Variants in GRM5 observed in about 807,000 individuals in gnomAD.
GRM5 encodes metabotropic glutamate receptor 5.
In GRM5, 19 loss-of-function variants were observed where a neutral mutation model predicts 83.1. That is an observed-to-expected ratio of 0.23 (90% CI 0.16 to 0.34). The LOEUF is 0.34. Among genes scored for constraint, GRM5 ranks in the 10% least tolerant of loss-of-function variants. The probability of loss-of-function intolerance (pLI) is 1.00; values close to 1 mark genes in which losing one functional copy is unlikely to be tolerated. For missense variants in GRM5, 1,160 were observed against 1,588.3 expected (o/e 0.73, Z 4.58); for synonymous variants, 675 against 633.6 (o/e 1.07, Z -0.98).
intron 4 of GRM5, among the ~76,000 whole-genome samples, chr11:88,631,699 C>T (rs1355217818): frequency 6.6e-6 from 1 of 152,148 alleles, no homozygotes; most frequent in Non-Finnish European, 1.5e-5. Flanking sequence ...CATGGCTTAC[C>T]TGAGTCATCT....
At chr11:88,918,337 C>A (rs985362268) in intron 2 of GRM5, among the ~76,000 whole-genome samples, 31 of 151,930 alleles carry the variant, frequency 2.0e-4, no homozygotes, top group African/African-American at 7.0e-4. Context: ...TGCTAGATGA[C>A]AAGTTAGTGG....
chr11:88,847,668 A>C (rs188276571), intron 3 of GRM5, among the ~76,000 whole-genome samples: 1 of 152,206 alleles, frequency 6.6e-6, no homozygotes, highest in Non-Finnish European at 1.5e-5. Flanking sequence ...AGACCTAACA[A>C]AACTGCTCAA....
At chr11:88,819,657 C>T (rs184850364) in intron 3 of GRM5, among the ~76,000 whole-genome samples, 97 of 152,262 alleles carry the variant, frequency 6.4e-4, no homozygotes, top group African/African-American at 2.2e-3. Flanking sequence ...TTGTGGGTTA[C>T]TGTGGCTCAC....
At chr11:88,844,339 T>A (rs1944259663) in intron 3 of GRM5, among the ~76,000 whole-genome samples, 1 of 151,050 alleles carries the variant, frequency 6.6e-6, no homozygotes. Context: ...ATATTTTAAG[T>A]CTACTTTTCA....
At chr11:88,939,918 A>G (rs1938032192) in intron 2 of GRM5, among the ~76,000 whole-genome samples, 2 of 152,028 alleles carry the variant, frequency 1.3e-5, no homozygotes, top group Non-Finnish European at 2.9e-5. Flanking sequence ...ATAACTGTAC[A>G]TAGGCTGGGG....
intron 4 of GRM5, among the ~76,000 whole-genome samples, chr11:88,605,774 A>G (rs1253068221): frequency 6.6e-6 from 1 of 152,222 alleles, no homozygotes; most frequent in African/African-American, 2.4e-5. Flanking sequence ...TTGGGAACTA[A>G]GGAACTAAAG....
At chr11:88,668,778 T>C (rs1270458403) in intron 3 of GRM5, among the ~76,000 whole-genome samples, 1 of 152,154 alleles carries the variant, frequency 6.6e-6, no homozygotes, top group African/African-American at 2.4e-5. Flanking sequence ...AACTGAAACT[T>C]TGTATTTCTT....
chr11:89,064,888 C>CTCTCTCTCTCTGTGTGTGTGTGTG (rs1218318990), intron 1 of GRM5, among the ~76,000 whole-genome samples: 1 of 62,266 alleles, frequency 1.6e-5, no homozygotes, highest in African/African-American at 6.9e-5. Flanking sequence ...CTCTCTCTCT[C>CTCTCTCTCTCTGTGTGTGTGTGTG]TGTGTGTGTG....
At chr11:88,749,000 C>G (rs963970551) in intron 3 of GRM5, among the ~76,000 whole-genome samples, 3 of 152,116 alleles carry the variant, frequency 2.0e-5, no homozygotes, top group African/African-American at 7.2e-5. Context: ...AGAATCAACA[C>G]AAAAATGCTG....
At chr11:88,936,700 T>G (rs115259916) in intron 2 of GRM5, among the ~76,000 whole-genome samples, 1,867 of 151,946 alleles carry the variant, frequency 0.012, 45 homozygotes, top group African/African-American at 0.043. Context: ...ACTGATAACT[T>G]TAAACAGTCA....
intron 3 of GRM5, among the ~76,000 whole-genome samples, chr11:88,659,250 G>GT (rs947091022): frequency 1.2e-4 from 19 of 152,204 alleles, no homozygotes; most frequent in East Asian, 1.2e-3. Flanking sequence ...AAAAGAACAG[G>GT]TTTTTTGTGA....
At chr11:88,681,387 T>C (rs1332744288) in intron 3 of GRM5, among the ~76,000 whole-genome samples, 2 of 151,848 alleles carry the variant, frequency 1.3e-5, no homozygotes, top group Admixed American at 1.3e-4. Context: ...TTTTTTGCAA[T>C]TTACTTTTTG....
chr11:88,917,738 G>A (rs1490303268), intron 2 of GRM5, among the ~76,000 whole-genome samples: 1 of 152,088 alleles, frequency 6.6e-6, no homozygotes, highest in Non-Finnish European at 1.5e-5. Flanking sequence ...ATGGATGAAG[G>A]AGAAGAAAGG....
intron 8 of GRM5, among the ~76,000 whole-genome samples, chr11:88,555,234 T>C (rs1033523902): frequency 6.6e-5 from 10 of 152,152 alleles, no homozygotes; most frequent in Non-Finnish European, 1.3e-4. Context: ...ATCTATGTTG[T>C]GATTCCTAAC....
intron 3 of GRM5, among the ~76,000 whole-genome samples, chr11:88,718,957 T>A (rs1013060325): frequency 1.2e-4 from 18 of 151,098 alleles, no homozygotes; most frequent in African/African-American, 4.4e-4. Flanking sequence ...CAGTGAAGCA[T>A]GTTTGGCCAC....
At chr11:89,060,411 T>C (rs1941968086) in intron 1 of GRM5, among the ~76,000 whole-genome samples, 1 of 151,920 alleles carries the variant, frequency 6.6e-6, no homozygotes, top group East Asian at 1.9e-4. Context: ...CAAATAAAAA[T>C]AAAGTGACCC....
At chr11:88,957,399 A>T (rs932598261) in intron 2 of GRM5, among the ~76,000 whole-genome samples, 1 of 152,252 alleles carries the variant, frequency 6.6e-6, no homozygotes, top group Non-Finnish European at 1.5e-5. Context: ...GATGAAATAC[A>T]CTTTAGAGTG....
intron 2 of GRM5, among the ~76,000 whole-genome samples, chr11:89,027,916 G>A (rs1452878164): frequency 6.6e-6 from 1 of 152,074 alleles, no homozygotes; most frequent in African/African-American, 2.4e-5. Context: ...GGGGCCATCA[G>A]GGCTCTCCCA....
chr11:88,852,130 CTT>C (rs2135542460), intron 2 of GRM5, among the ~76,000 whole-genome samples: 1 of 152,230 alleles, frequency 6.6e-6, no homozygotes, highest in South Asian at 2.1e-4. Context: ...CATTTATTTA[CTT>C]TTATTCTCAA....
Sources: allele counts gnomAD v4.1 joint callset (sites outside exome capture counted in the v4.1 genomes callset), GRCh38; gene constraint gnomAD v4.1.1; transcripts MANE v1.5; gene names NCBI Gene and HGNC (gene_info 2026-07-23, HGNC 2026-07-21).